CCDC60: variants seen among roughly 807,000 people sequenced by gnomAD.
The protein encoded by CCDC60 is coiled-coil domain-containing protein 60.
A neutral mutation model predicts 63.5 loss-of-function variants in CCDC60; 54 were observed. The observed-to-expected ratio is 0.85, with a 90% CI of 0.68 to 1.07. The LOEUF (loss-of-function observed/expected upper bound fraction) is 1.07. Among genes scored for constraint, CCDC60 ranks in the 50% least tolerant of loss-of-function variants. CCDC60 has a pLI of 0.00. For synonymous variants in CCDC60, 206 were observed against 238.8 expected, an observed-to-expected ratio of 0.86 and a Z score of 1.27; for missense variants, 651 against 684.3, an observed-to-expected ratio of 0.95 and a Z score of 0.54.
In CCDC60 at chr12:119,365,541, G is replaced by A. The variant is rs145523241; in HGVS notation, c.90+30275G>A. Among the ~76,000 whole-genome samples the A allele has an allele frequency of 4.9e-3, 742 of 152,100 alleles. 6 individuals carry two copies. The highest frequency in any genetic ancestry group is 0.017 in the Middle Eastern group (5 of 294). On this transcript the variant is annotated intron_variant, in intron 1 of 13. Transcript: ENST00000327554. The stretch of plus-strand genomic sequence containing the variant: ...GTGTGTGTGTTTTGTTTTGTTTTGC[G>A]GTCAGAGGCAAGGGCTAAAAGAAAG...
At chr12:119,522,673 A>G (rs1356065570) in intron 9 of CCDC60, among the ~76,000 whole-genome samples, 3 of 152,232 alleles carry the variant, frequency 2.0e-5, no homozygotes, top group African/African-American at 7.2e-5. Flanking sequence ...GAGAGTTCAG[A>G]TATACAGGAC....
At chr12:119,510,458 T>C (rs1357164577) in intron 7 of CCDC60, among the ~76,000 whole-genome samples, 1 of 152,198 alleles carries the variant, frequency 6.6e-6, no homozygotes, top group Non-Finnish European at 1.5e-5. Context: ...CCTTCTCTGA[T>C]TCACCCAGGT....
At chr12:119,398,317 G>T (rs533378381) in intron 1 of CCDC60, among the ~76,000 whole-genome samples, 1 of 152,068 alleles carries the variant, frequency 6.6e-6, no homozygotes, top group East Asian at 1.9e-4. Flanking sequence ...CACCGGCACC[G>T]GCCAGCCGCT....
At chr12:119,362,148 A>G (rs968739600) in intron 1 of CCDC60, among the ~76,000 whole-genome samples, 1 of 152,090 alleles carries the variant, frequency 6.6e-6, no homozygotes, top group Non-Finnish European at 1.5e-5. Context: ...CTACTTACCT[A>G]CTTGTATGTA....
chr12:119,501,841 C>T (rs1355469312), intron 6 of CCDC60, among the ~76,000 whole-genome samples: 2 of 152,146 alleles, frequency 1.3e-5, no homozygotes, highest in Admixed American at 6.5e-5. Context: ...GGCTGCAGCA[C>T]GTTCCACTCT....
chr12:119,427,185 A>C (rs1430402109), intron 1 of CCDC60, among the ~76,000 whole-genome samples: 6 of 152,230 alleles, frequency 3.9e-5, no homozygotes, highest in African/African-American at 1.4e-4. Context: ...TCAGCTAAGA[A>C]AAAGAAATAA....
intron 2 of CCDC60, chr12:119,433,462 G>C (rs560952745): frequency 2.8e-6 from 2 of 702,188 alleles, no homozygotes; most frequent in Admixed American, 4.0e-5. Flanking sequence ...AGAAAGAAAC[G>C]ACAATGAGAT....
chr12:119,506,955 G>A (rs1952023071), intron 7 of CCDC60, among the ~76,000 whole-genome samples: 1 of 152,184 alleles, frequency 6.6e-6, no homozygotes, highest in South Asian at 2.1e-4. Context: ...AGGAGGAGTG[G>A]CCTACCACAA....
chr12:119,470,150 C>T (rs1951029023), intron 2 of CCDC60, among the ~76,000 whole-genome samples: 1 of 152,184 alleles, frequency 6.6e-6, no homozygotes, highest in South Asian at 2.1e-4. Context: ...CCTGATATTC[C>T]ATCCACTGGT....
intron 1 of CCDC60, among the ~76,000 whole-genome samples, chr12:119,394,469 C>T (rs778780968): frequency 2.0e-5 from 3 of 152,210 alleles, no homozygotes; most frequent in African/African-American, 4.8e-5. Context: ...GGACATACTC[C>T]GTGCCTCTGG....
chr12:119,377,987 A>G (rs893097663), intron 1 of CCDC60, among the ~76,000 whole-genome samples: 1 of 152,242 alleles, frequency 6.6e-6, no homozygotes, highest in African/African-American at 2.4e-5. Context: ...TCTTTCTTGC[A>G]GAGAGAGAGG....
At chr12:119,427,975 G>C (rs1039931352) in intron 1 of CCDC60, among the ~76,000 whole-genome samples, 1 of 151,974 alleles carries the variant, frequency 6.6e-6, no homozygotes, top group Admixed American at 6.6e-5. Context: ...GTGTGATCCT[G>C]TCTCTAAAAA....
intron 7 of CCDC60, among the ~76,000 whole-genome samples, chr12:119,513,080 G>A (rs1219956086): frequency 6.6e-6 from 1 of 152,150 alleles, no homozygotes; most frequent in East Asian, 1.9e-4. Context: ...CAGCACCGTG[G>A]ACAGCTACAA....
intron 7 of CCDC60, among the ~76,000 whole-genome samples, chr12:119,512,172 TC>T (rs1952230388): frequency 6.6e-6 from 1 of 152,192 alleles, no homozygotes; most frequent in African/African-American, 2.4e-5. Context: ...GCTTCACGCT[TC>T]CCTTCCAGGT....
chr12:119,403,561 G>T (rs566960623), intron 1 of CCDC60, among the ~76,000 whole-genome samples: 1 of 152,096 alleles, frequency 6.6e-6, no homozygotes, highest in Admixed American at 6.5e-5. Context: ...ACAGTGGCCT[G>T]GGGAGAGTCC....
In CCDC60 at chr12:119,334,937, A is replaced by C. The variant is rs3809306; in HGVS notation, c.-240A>C. ...TACAGAAGTTTATAACCTTTCAAAA[A>C]GTAAATAAGTCCAGGCTTGCCTGAT... On this transcript the variant is annotated 5_prime_UTR_variant, in exon 1 of 14. Coordinates refer to ENST00000327554, the MANE Select transcript of CCDC60 (RefSeq NM_178499.5). The C allele has an allele frequency of 0.35, 132,446 of 380,852 alleles. 24,556 individuals are homozygous for C. The highest frequency in any genetic ancestry group is 0.59 in the East Asian group (15,098 of 25,598). 23.6% of individuals were successfully genotyped at this position (380,852 alleles called of 1,614,324 possible). A position where few individuals can be genotyped will look rare whatever the true frequency, so the allele number is the denominator to read the frequency against.
chr12:119,482,485 C>T (rs1027092892), intron 4 of CCDC60, among the ~76,000 whole-genome samples: 4 of 152,130 alleles, frequency 2.6e-5, no homozygotes, highest in African/African-American at 4.8e-5. Context: ...GCTGTTGCAG[C>T]ATGAAAACTA....
intron 2 of CCDC60, among the ~76,000 whole-genome samples, chr12:119,462,439 G>A (rs1444426624): frequency 6.6e-6 from 1 of 152,028 alleles, no homozygotes; most frequent in Non-Finnish European, 1.5e-5. Flanking sequence ...TGTGGCATGG[G>A]TTTTGTTACC....
chr12:119,403,240 A>C (rs990139470), intron 1 of CCDC60, among the ~76,000 whole-genome samples: 1 of 152,110 alleles, frequency 6.6e-6, no homozygotes, highest in African/African-American at 2.4e-5. Context: ...CTCATGAAAA[A>C]ATAAGATCCT....
Sources: gnomAD v4.1 joint callset for allele counts (sites outside exome capture counted in the v4.1 genomes callset) on GRCh38, gnomAD v4.1.1 for gene constraint, MANE v1.5 for transcripts, NCBI Gene and HGNC (gene_info 2026-07-23, HGNC 2026-07-21) for gene names.